The following CATSPERT variants were observed in gnomAD, a reference collection of about 807,000 sequenced individuals.
The protein encoded by CATSPERT is cation channel sperm-associated targeting subunit tau.
chr2:201,489,771 C>A, the CATSPERT span, among the ~76,000 whole-genome samples: 1 of 151,996 alleles, frequency 6.6e-6, no homozygotes, highest in African/African-American at 2.4e-5. Context: ...ACCAGTGATT[C>A]AGAAAATTAA....
chr2:201,563,371 A>AC, the CATSPERT span, among the ~76,000 whole-genome samples: 25 of 72,448 alleles, frequency 3.5e-4, no homozygotes, highest in South Asian at 3.1e-3. Context: ...GGGGGGCTTG[A>AC]CCCCCCCACC....
At chr2:201,501,653 T>TAA in the CATSPERT span, among the ~76,000 whole-genome samples, 1 of 152,068 alleles carries the variant, frequency 6.6e-6, no homozygotes, top group Non-Finnish European at 1.5e-5. Context: ...CCTTTATAGC[T>TAA]AAATTGATTA....
chr2:201,511,128 T>C, the CATSPERT span, among the ~76,000 whole-genome samples: 1 of 152,202 alleles, frequency 6.6e-6, no homozygotes, highest in Non-Finnish European at 1.5e-5. Flanking sequence ...GTGCATCAAA[T>C]TCTTAAAAAC....
At chr2:201,596,882 T>A in the CATSPERT span, among the ~76,000 whole-genome samples, 8 of 152,236 alleles carry the variant, frequency 5.3e-5, no homozygotes, top group African/African-American at 1.9e-4. Flanking sequence ...TTGTACACTG[T>A]TTCCACGTTG....
At chr2:201,592,728 G>C in the CATSPERT span, among the ~76,000 whole-genome samples, 4 of 152,140 alleles carry the variant, frequency 2.6e-5, no homozygotes, top group African/African-American at 9.7e-5. Flanking sequence ...ATGTGCCGAC[G>C]AATTTATCCA....
At chr2:201,493,655 G>C in the CATSPERT span, 4 of 1,537,046 alleles carry the variant, frequency 2.6e-6, no homozygotes, top group Admixed American at 2.0e-5. Flanking sequence ...CAAGGTGTAG[G>C]TAATTGATTT....
the CATSPERT span, chr2:201,550,250 A>T: frequency 2.0e-5 from 3 of 152,196 alleles, no homozygotes; most frequent in Non-Finnish European, 4.4e-5. Context: ...CTTTACGCCT[A>T]TTGTACTTGA....
chr2:201,612,137 G>C, the CATSPERT span, among the ~76,000 whole-genome samples: 1 of 152,082 alleles, frequency 6.6e-6, no homozygotes, highest in Admixed American at 6.5e-5. Context: ...ATTTCCTTTT[G>C]CTCTCCTTTA....
chr2:201,567,298 C>T, the CATSPERT span, among the ~76,000 whole-genome samples: 1 of 152,192 alleles, frequency 6.6e-6, no homozygotes, highest in East Asian at 1.9e-4. Context: ...TATAGCTAAA[C>T]ATTCTAAATA....
the CATSPERT span, among the ~76,000 whole-genome samples, chr2:201,540,259 C>G: frequency 6.6e-6 from 1 of 152,156 alleles, no homozygotes; most frequent in Non-Finnish European, 1.5e-5. Context: ...GCGAGTTACC[C>G]AGAAGATCTA....
the CATSPERT span, chr2:201,603,345 C>T: frequency 1.6e-5 from 21 of 1,336,626 alleles, 2 homozygotes; most frequent in South Asian, 2.1e-4. Flanking sequence ...TCACTTTACA[C>T]TGAGCTCTAT....
At chr2:201,535,053 A>G in the CATSPERT span, 1 of 816,698 alleles carries the variant, frequency 1.2e-6, no homozygotes, top group Non-Finnish European at 1.5e-6. Flanking sequence ...TTTCTTTTAC[A>G]TTTCTCTCCA....
chr2:201,563,002 T>A, the CATSPERT span, among the ~76,000 whole-genome samples: 2 of 151,062 alleles, frequency 1.3e-5, no homozygotes, highest in Non-Finnish European at 3.0e-5. Context: ...GCCATTGTCA[T>A]CCTGGCCCGT....
the CATSPERT span, among the ~76,000 whole-genome samples, chr2:201,510,039 G>C: frequency 2.0e-5 from 3 of 150,926 alleles, no homozygotes; most frequent in Admixed American, 1.3e-4. Flanking sequence ...GAATTCTAAG[G>C]GATGGGCATG....
At chr2:201,565,622 C>T in the CATSPERT span, 1 of 1,156,042 alleles carries the variant, frequency 8.7e-7, no homozygotes, top group Non-Finnish European at 1.1e-6. Flanking sequence ...AGTTTCTGAG[C>T]CTATAGCAAG....
the CATSPERT span, among the ~76,000 whole-genome samples, chr2:201,597,775 C>T: frequency 2.0e-5 from 3 of 152,060 alleles, no homozygotes; most frequent in Admixed American, 1.3e-4. Context: ...CCAGCATGGC[C>T]AGAACCAGAA....
chr2:201,589,273 AC>A, the CATSPERT span, among the ~76,000 whole-genome samples: 2 of 152,206 alleles, frequency 1.3e-5, no homozygotes, highest in African/African-American at 4.8e-5. Context: ...TTCATATAGA[AC>A]CAAAAAAGAG....
chr2:201,558,866 A>G, the CATSPERT span, among the ~76,000 whole-genome samples: 1 of 152,122 alleles, frequency 6.6e-6, no homozygotes, highest in Non-Finnish European at 1.5e-5. Flanking sequence ...CCAAACCCAC[A>G]TAGGTGACTG....
the CATSPERT span, chr2:201,494,715 A>G: frequency 6.5e-7 from 1 of 1,532,224 alleles, no homozygotes; most frequent in South Asian, 1.2e-5. Flanking sequence ...TTTTGTTTAT[A>G]TTCCTTAGAA....
Sources: allele counts gnomAD v4.1 joint callset (sites outside exome capture counted in the v4.1 genomes callset), GRCh38; gene constraint gnomAD v4.1.1; transcripts MANE v1.5; gene names NCBI Gene and HGNC (gene_info 2026-07-23, HGNC 2026-07-21).